Variants in SLBP observed in about 807,000 individuals in gnomAD.
SLBP encodes stem-loop histone mRNA binding protein, also known as histone RNA hairpin-binding protein.
In SLBP, 29 loss-of-function variants were observed where a neutral mutation model predicts 39.2. That is an observed-to-expected ratio of 0.74 (90% CI 0.55 to 1.01). SLBP has a LOEUF of 1.01. SLBP is among the 50% of genes least tolerant of loss of function. The pLI is 0.00. For missense variants in SLBP, 390 were observed against 350.2 expected, an observed-to-expected ratio of 1.11 and a Z score of -0.91; for synonymous variants, 129 against 118.7, an observed-to-expected ratio of 1.09 and a Z score of -0.57.
At chr4:1,697,395 TGAGGCG>T (rs1317592066) in intron 5 of SLBP, among the ~76,000 whole-genome samples, 2 of 149,182 alleles carry the variant, frequency 1.3e-5, no homozygotes, top group Non-Finnish European at 3.0e-5. Flanking sequence ...CTTGAACCCA[TGAGGCG>T]GAGGTTGCAG....
intron 5 of SLBP, among the ~76,000 whole-genome samples, chr4:1,698,410 G>GA (rs57063368): frequency 0.7 from 100,332 of 143,222 alleles, 36,099 homozygotes; most frequent in East Asian, 0.86. Context: ...GGTCAGGAGG[G>GA]AAAAAAAAAA....
Position 1,705,216 on chromosome 4 carries a change from C to T in SLBP, c.177-1516G>A, listed in dbSNP as rs78112571. On this transcript the variant is annotated intron_variant, in intron 2 of 7. Coordinates refer to ENST00000489418, the MANE Select transcript of SLBP (RefSeq NM_006527.4). ...TACTGGGATTATAGCTGTGAGCCACCGTACCCAGACTGCACTGACCCATCC... is the reference window on the plus strand; with the variant it reads ...TACTGGGATTATAGCTGTGAGCCACTGTACCCAGACTGCACTGACCCATCC... Among the ~76,000 whole-genome samples the T allele has an allele frequency of 4.7e-3, 709 of 152,124 alleles. 3 individuals are homozygous for T. The highest frequency in any genetic ancestry group is 0.016 in the African/African-American group (683 of 41,500).
At chr4:1,698,605 C>T (rs1716210791) in intron 5 of SLBP, among the ~76,000 whole-genome samples, 1 of 150,226 alleles carries the variant, frequency 6.7e-6, no homozygotes, top group Non-Finnish European at 1.5e-5. Flanking sequence ...CTGCCTCAGC[C>T]TCCCGAGTAG....
chr4:1,701,488 T>C (rs775926564), intron 3 of SLBP, among the ~76,000 whole-genome samples: 4 of 152,224 alleles, frequency 2.6e-5, no homozygotes, highest in Non-Finnish European at 2.9e-5. Flanking sequence ...GTTTGTAGTC[T>C]GTTAGTCTCC....
chr4:1,697,373 G>A (rs1197832676), intron 5 of SLBP, among the ~76,000 whole-genome samples: 1 of 151,882 alleles, frequency 6.6e-6, no homozygotes. Context: ...GGAGGCTGAG[G>A]CAGGAGAATC....
chr4:1,702,171 T>C (rs924621112), intron 3 of SLBP, among the ~76,000 whole-genome samples: 1 of 152,178 alleles, frequency 6.6e-6, no homozygotes, highest in Non-Finnish European at 1.5e-5. Context: ...CTAAGACTTG[T>C]GCATGCAACA....
chr4:1,706,276 G>A (rs967979108), intron 2 of SLBP, among the ~76,000 whole-genome samples: 10 of 152,046 alleles, frequency 6.6e-5, no homozygotes, highest in South Asian at 2.1e-4. Context: ...AAGAGACTCC[G>A]TCTCAGAAAA....
chr4:1,695,282 T>C (rs1029533443), intron 6 of SLBP, among the ~76,000 whole-genome samples: 9 of 152,212 alleles, frequency 5.9e-5, no homozygotes, highest in Non-Finnish European at 1.3e-4. Flanking sequence ...GTTTCAAACA[T>C]GCCAGTCTCT....
At position 1,694,831 on chromosome 4, in the gene SLBP, T is replaced by A; in HGVS notation, c.639A>T (p.Val213=). 6.2e-7 allele frequency: 1 copy of A among 1,612,924 alleles called. No homozygotes were observed. Among genetic ancestry groups the A allele is most frequent in the African/African-American group, 1.3e-5 (1 of 75,018 alleles). The part of the protein sequence containing the change: ...EGCDLQEIHP[V]DLESAESSSE... ...AGCTGCTTTCTGCAGATTCAAGGTC[T>A]ACAGGGTGTCTGTTAAACAAGATCC... The change falls in exon 7 of 8, where the codon GTA becomes GTT. Residue 213 remains valine, a synonymous_variant. Transcript: ENST00000489418.
At chr4:1,696,569 G>A (rs1380872335) in intron 5 of SLBP, among the ~76,000 whole-genome samples, 3 of 151,666 alleles carry the variant, frequency 2.0e-5, no homozygotes, top group East Asian at 1.9e-4. Flanking sequence ...GTGAGACCTC[G>A]TCTCTATTTA....
chr4:1,695,025 AGAGAAAGCGGATGGCAAT>A (rs1414138373), intron 6 of SLBP, among the ~76,000 whole-genome samples, 185 bp from the exon 7 acceptor site: 1 of 152,232 alleles, frequency 6.6e-6, no homozygotes, highest in African/African-American at 2.4e-5. Context: ...AATCCAGCAA[AGAGAAAGCGGATGGCAAT>A]GAGAAGCAAC....
Position 1,703,606 on chromosome 4 carries a change from C to G in SLBP, c.271G>C (p.Glu91Gln), listed in dbSNP as rs1417949098. Residue 91 changes from glutamate (E) to glutamine (Q), a missense_variant, in exon 3 of 8, where the codon GAA becomes CAA. By Grantham distance (29) the Glu-to-Gln change is conservative. Transcript: ENST00000489418. The part of the protein sequence containing the change: ...EDEMRTRVNK[E>Q]MARYKRKLLI... ...GTCCAAAATGTGTACCTTGCCATTT[C>G]TTTGTTAACTCTGGTCCTCATTTCA... The G allele has an allele frequency of 1.2e-6, 2 of 1,607,896 alleles. No homozygotes were observed. The highest frequency in any genetic ancestry group is 2.2e-5 in the East Asian group (1 of 44,870).
At position 1,699,683 on chromosome 4, in the gene SLBP, A is replaced by G; in HGVS notation, c.360T>C (p.Ser120=). 6.2e-7 allele frequency: 1 copy of G among 1,613,820 alleles called. No individual in the cohort carries two copies. Among genetic ancestry groups the G allele is most frequent in the Non-Finnish European group, 8.5e-7 (1 of 1,179,730 alleles). The change falls in exon 5 of 8, where the codon TCT becomes TCC. Residue 120 remains serine, a synonymous_variant. Transcript: ENST00000489418. ...SSSGSSDSKE[S]MSTVPADFET... is the part of the protein sequence containing the mutation. ...CAAAGTCAGCCGGCACAGTAGACAT[A>G]GACTCCTTTGAATCAGAACTGAAAA...
intron 3 of SLBP, among the ~76,000 whole-genome samples, chr4:1,700,467 AG>A (rs530143201): frequency 1.2e-3 from 169 of 143,596 alleles, no homozygotes; most frequent in African/African-American, 4.0e-3. Flanking sequence ...ACCAGAACGC[AG>A]TTTTGCAAAA....
In SLBP at chr4:1,712,255, C is replaced by CAGAGT. The variant is rs1266197997; in HGVS notation, c.-72_-68dup. 1 of 995,474 alleles carries CAGAGT rather than the reference C, an allele frequency of 1.0e-6. No individual in the cohort carries two copies. The highest frequency in any genetic ancestry group is 3.8e-5 in the East Asian group (1 of 26,574). The allele number at this position is 995,474 out of a possible 1,614,324, so 61.7% of individuals were successfully genotyped here. On this transcript the variant is annotated 5_prime_UTR_variant, in exon 1 of 8. Transcript: ENST00000489418. ...GCGGCGGCGGCGCGGGCAGAGAGCGCAGAGTAGAGCAGGGCAGGGCCTGAG... is the reference window on the plus strand; with the variant it reads ...GCGGCGGCGGCGCGGGCAGAGAGCGCAGAGTAGAGTAGAGCAGGGCAGGGCCTGAG...
At chr4:1,705,901 A>G (rs956869777) in intron 2 of SLBP, among the ~76,000 whole-genome samples, 2 of 152,016 alleles carry the variant, frequency 1.3e-5, no homozygotes, top group Non-Finnish European at 2.9e-5. Context: ...CAGGAGGATC[A>G]CTCTAGCCCA....
chr4:1,693,551 C>G lies in SLBP; in HGVS notation c.*46G>C. On this transcript the variant is annotated 3_prime_UTR_variant, in exon 8 of 8. Transcript: ENST00000489418. ...TGCTTGGTGCCTGGCCAGCCTTCCA[C>G]CTAGTCGGGGAGGAGCTGTTTCTCT... 8.5e-7 allele frequency: 1 copy of G among 1,176,408 alleles called. No homozygotes were observed. The highest frequency in any genetic ancestry group is 1.3e-6 in the Non-Finnish European group (1 of 781,844). The allele number at this position is 1,176,408 out of a possible 1,614,324, so 72.9% of individuals were successfully genotyped here. A position where few individuals can be genotyped will look rare whatever the true frequency, so the allele number is the denominator to read the frequency against.
At chr4:1,694,363 G>A (rs190818688) in intron 7 of SLBP, among the ~76,000 whole-genome samples, 105 of 151,900 alleles carry the variant, frequency 6.9e-4, no homozygotes, top group Admixed American at 2.2e-3. Context: ...GATCACAGGC[G>A]TGAGCCACCA....
intron 3 of SLBP, among the ~76,000 whole-genome samples, chr4:1,702,856 T>C (rs1225132473): frequency 6.6e-6 from 1 of 152,198 alleles, no homozygotes; most frequent in Non-Finnish European, 1.5e-5. Flanking sequence ...CAAGTGTCAA[T>C]GTATTCCTTC....
Sources: gnomAD v4.1 joint callset for allele counts (sites outside exome capture counted in the v4.1 genomes callset) on GRCh38, gnomAD v4.1.1 for gene constraint, MANE v1.5 for transcripts, NCBI Gene and HGNC (gene_info 2026-07-23, HGNC 2026-07-21) for gene names.